The following TBCA variants were observed in gnomAD, a reference collection of about 807,000 sequenced individuals.
The protein encoded by TBCA is tubulin-specific chaperone A.
TBCA carries 6 observed loss-of-function variants against 15.8 expected under a neutral mutation model. The ratio of observed to expected loss-of-function variants is 0.38; its 90% CI spans 0.21 to 0.75. The LOEUF (loss-of-function observed/expected upper bound fraction) is 0.75. Ranked by LOEUF, TBCA falls within the 30% of genes least tolerant of loss-of-function variation. TBCA has a pLI of 0.46. For synonymous variants in TBCA, 32 were observed against 42.3 expected (o/e 0.76, Z 0.94); for missense variants, 90 against 131.2 (o/e 0.69, Z 1.53).
At position 77,730,857 on chromosome 5, in the gene TBCA, T is replaced by G. The variant is rs192273158; in HGVS notation, c.54-22510A>C. Among the ~76,000 whole-genome samples, 11 of 152,366 alleles carry G rather than the reference T, an allele frequency of 7.2e-5. No homozygotes were observed. In the South Asian group the frequency reaches 1.4e-3, roughly 20 times the overall value. ...ACTAAATAGGTTATAGAATAGGTTA[T>G]AGAAGTTTTTCTATGTTAATACATA... On this transcript the variant is annotated intron_variant, in intron 1 of 3. Coordinates refer to ENST00000380377, the MANE Select transcript of TBCA (RefSeq NM_004607.3).
At chr5:77,747,822 T>C (rs1014970337) in intron 1 of TBCA, among the ~76,000 whole-genome samples, 2 of 152,174 alleles carry the variant, frequency 1.3e-5, no homozygotes, top group African/African-American at 2.4e-5. Context: ...TTTTGAATTT[T>C]AGATTTGTAT....
chr5:77,753,666 C>A (rs1000923504), intron 1 of TBCA, among the ~76,000 whole-genome samples: 11 of 152,226 alleles, frequency 7.2e-5, no homozygotes, highest in African/African-American at 2.2e-4. Context: ...CTTGTTTTAA[C>A]CAATTATTTA....
intron 1 of TBCA, among the ~76,000 whole-genome samples, chr5:77,732,597 G>A (rs572780249): frequency 4.4e-4 from 66 of 149,966 alleles, no homozygotes; most frequent in African/African-American, 1.5e-3. Context: ...TGTGGTAATC[G>A]TGTGTCAAAC....
intron 2 of TBCA, among the ~76,000 whole-genome samples, chr5:77,707,332 T>C (rs1259663055): frequency 1.3e-5 from 2 of 152,092 alleles, no homozygotes; most frequent in East Asian, 1.9e-4. Context: ...GTTCAATATA[T>C]GCTATCATGG....
chr5:77,774,978 A>AT (rs1196812893), intron 1 of TBCA, among the ~76,000 whole-genome samples: 5 of 47,910 alleles, frequency 1.0e-4, no homozygotes, highest in Non-Finnish European at 1.7e-4. Context: ...AGCTACAAAG[A>AT]TTAAAAAAAA....
chr5:77,715,366 A>G, intron 1 of TBCA: 1 of 685,306 alleles, frequency 1.5e-6, no homozygotes, highest in Non-Finnish European at 2.6e-6. Context: ...TAGGCCTGAA[A>G]AACAATCAGT....
intron 1 of TBCA, among the ~76,000 whole-genome samples, chr5:77,731,082 T>G (rs1460705661): frequency 6.6e-6 from 1 of 152,202 alleles, no homozygotes; most frequent in Admixed American, 6.5e-5. Context: ...CATGGTATTT[T>G]GAGGTCACAT....
intron 1 of TBCA, among the ~76,000 whole-genome samples, chr5:77,760,331 T>A (rs1245866536): frequency 6.6e-6 from 1 of 152,214 alleles, no homozygotes. Flanking sequence ...TATACATAAA[T>A]TAGGAATTTG....
chr5:77,732,833 C>A (rs999529722), intron 1 of TBCA, among the ~76,000 whole-genome samples: 2 of 152,188 alleles, frequency 1.3e-5, no homozygotes, highest in Admixed American at 1.3e-4. Flanking sequence ...CTGACTGCTC[C>A]AATGACTGGC....
intron 1 of TBCA, among the ~76,000 whole-genome samples, chr5:77,734,649 T>C (rs1746853921): frequency 6.6e-6 from 1 of 152,170 alleles, no homozygotes; most frequent in Non-Finnish European, 1.5e-5. Context: ...ACTTCTAAAA[T>C]GACAAAAAAA....
In TBCA at chr5:77,713,073, C is replaced by A. The variant is rs138208599; in HGVS notation, c.54-4726G>T. On this transcript the variant is annotated intron_variant, in intron 1 of 3. Coordinates refer to ENST00000380377, the MANE Select transcript of TBCA (RefSeq NM_004607.3). ...CTTTGGGAGGCTGAGGCAGGAGGAC[C>A]ACTTGAGGCCAGGAGTCTGAGACCA... 9.2e-5 allele frequency among the ~76,000 whole-genome samples: 14 copies of A among 152,192 alleles called. No homozygotes were observed. The East Asian group carries it at 2.7e-3, about 29-fold the overall frequency.
intron 1 of TBCA, among the ~76,000 whole-genome samples, chr5:77,768,726 C>T (rs926960948): frequency 3.9e-5 from 6 of 152,054 alleles, no homozygotes; most frequent in African/African-American, 1.5e-4. Context: ...AGACCTATGA[C>T]AAGTTATTAA....
chr5:77,742,991 A>T (rs1747087262), intron 1 of TBCA, among the ~76,000 whole-genome samples: 1 of 152,182 alleles, frequency 6.6e-6, no homozygotes, highest in African/African-American at 2.4e-5. Context: ...CCTCAACAAG[A>T]TAGAAATTAT....
chr5:77,755,352 G>C (rs1157957896), intron 1 of TBCA, among the ~76,000 whole-genome samples: 1 of 152,120 alleles, frequency 6.6e-6, no homozygotes, highest in African/African-American at 2.4e-5. Flanking sequence ...GCCAAGGTGA[G>C]CAGATCATGA....
intron 1 of TBCA, among the ~76,000 whole-genome samples, chr5:77,768,383 G>A (rs555799766): frequency 2.6e-5 from 4 of 152,168 alleles, no homozygotes; most frequent in Non-Finnish European, 5.9e-5. Context: ...TAAAGGCTAA[G>A]TAACTTTCCC....
At chr5:77,756,863 C>T (rs1380239614) in intron 1 of TBCA, among the ~76,000 whole-genome samples, 1 of 150,248 alleles carries the variant, frequency 6.7e-6, no homozygotes, top group Admixed American at 6.7e-5. Flanking sequence ...CAGAACACCC[C>T]AAAAACAGGT....
chr5:77,704,527 T>G (rs1036391852), intron 2 of TBCA, among the ~76,000 whole-genome samples: 1 of 152,138 alleles, frequency 6.6e-6, no homozygotes, highest in Non-Finnish European at 1.5e-5. Context: ...TAGGGAGAAG[T>G]GTAGAAAACC....
At chr5:77,716,030 G>A (rs1746392326) in intron 1 of TBCA, among the ~76,000 whole-genome samples, 1 of 152,122 alleles carries the variant, frequency 6.6e-6, no homozygotes, top group Non-Finnish European at 1.5e-5. Context: ...GGCCTTATAT[G>A]AACAGACCTT....
Position 77,719,415 on chromosome 5 carries a change from C to T in TBCA, c.54-11068G>A, listed in dbSNP as rs138437341. On this transcript the variant is annotated intron_variant, in intron 1 of 3. Coordinates refer to ENST00000380377, the MANE Select transcript of TBCA (RefSeq NM_004607.3). The stretch of plus-strand genomic sequence containing the variant: ...CTGTGAAAAGGCAACCCACCACCTA[C>T]ACACCCTGACCCCAGCCACTCAGTT... Among the ~76,000 whole-genome samples, 880 of 152,272 alleles carry T rather than the reference C, an allele frequency of 5.8e-3. 14 individuals are homozygous for T. Among genetic ancestry groups the T allele is most frequent in the South Asian group, 0.042 (203 of 4,822 alleles).
Sources: gnomAD v4.1 joint callset for allele counts (sites outside exome capture counted in the v4.1 genomes callset) on GRCh38, gnomAD v4.1.1 for gene constraint, MANE v1.5 for transcripts, NCBI Gene and HGNC (gene_info 2026-07-23, HGNC 2026-07-21) for gene names.